The following ELMO3 variants were observed in gnomAD, a reference collection of about 807,000 sequenced individuals.
ELMO3 encodes the protein engulfment and cell motility protein 3.
A neutral mutation model predicts 89.0 loss-of-function variants in ELMO3; 81 were observed. The ratio of observed to expected loss-of-function variants is 0.91; its 90% CI spans 0.76 to 1.09. The LOEUF is 1.09. Among genes scored for constraint, ELMO3 ranks in the 50% least tolerant of loss-of-function variants. The probability of loss-of-function intolerance (pLI) is 0.00; values close to 1 mark genes in which losing one functional copy is unlikely to be tolerated. For synonymous variants in ELMO3, 406 were observed against 400.6 expected, an observed-to-expected ratio of 1.01 and a Z score of -0.16; for missense variants, 959 against 972.8, an observed-to-expected ratio of 0.99 and a Z score of 0.19.
rs182628338 is a variant in ELMO3, at chr16:67,201,077, G to C, written c.744+109G>C. 0.012 allele frequency: 14,885 copies of C among 1,220,290 alleles called. 835 individuals are homozygous for C. The African/African-American group carries it at 0.14, about 11-fold the overall frequency. The allele number at this position is 1,220,290 out of a possible 1,614,324, so 75.6% of individuals were successfully genotyped here. ...TTTTTTTTTTTTGAGATGGAGTCTT[G>C]CTCTGTCGCCCAGGCTGGAGTGCAG... On this transcript the variant is annotated intron_variant, in intron 8 of 19. Transcript: ENST00000393997.
chr16:67,202,376 C>T, intron 13 of ELMO3, 21 bp from the exon 14 acceptor site: 1 of 1,613,750 alleles, frequency 6.2e-7, no homozygotes, highest in Non-Finnish European at 8.5e-7. Context: ...TCCCTGAGCC[C>T]CTCCTGCCCC....
chr16:67,200,117 G>A (rs1183647679), intron 4 of ELMO3, 75 bp from the exon 5 acceptor site: 11 of 1,403,282 alleles, frequency 7.8e-6, no homozygotes, highest in Non-Finnish European at 1.0e-5. Flanking sequence ...GTTGACGCCC[G>A]GGGCCGCACA....
In ELMO3 at chr16:67,200,448, C is replaced by A; in HGVS notation, c.414-3C>A. 1 of 1,612,236 alleles carries A rather than the reference C, an allele frequency of 6.2e-7. No homozygotes were observed. Among genetic ancestry groups the A allele is most frequent in the Non-Finnish European group, 8.5e-7 (1 of 1,178,784 alleles). On this transcript the variant is annotated splice_polypyrimidine_tract_variant and splice_region_variant and intron_variant, in intron 5 of 19. Coordinates refer to ENST00000393997, the MANE Select transcript of ELMO3 (RefSeq NM_024712.5). ...TGCTCAGCCCCAGATGTCCCCCCTCCAGCCTAGGAGAGGTGCTGGCCCTCA... is the reference window on the plus strand; with the variant it reads ...TGCTCAGCCCCAGATGTCCCCCCTCAAGCCTAGGAGAGGTGCTGGCCCTCA...
In ELMO3 at chr16:67,200,439, T is replaced by A; in HGVS notation, c.414-12T>A. The A allele has an allele frequency of 6.2e-7, 1 of 1,611,370 alleles. No homozygotes were observed. Among genetic ancestry groups the A allele is most frequent in the Non-Finnish European group, 8.5e-7 (1 of 1,178,242 alleles). On this transcript the variant is annotated splice_polypyrimidine_tract_variant and intron_variant, in intron 5 of 19. Coordinates refer to ENST00000393997, the MANE Select transcript of ELMO3 (RefSeq NM_024712.5). ...GGGTGGTCCTGCTCAGCCCCAGATG[T>A]CCCCCCTCCAGCCTAGGAGAGGTGC...
In ELMO3 at chr16:67,201,502, G is replaced by A; in HGVS notation, c.796-18G>A. 2 of 1,614,026 alleles carry A rather than the reference G, an allele frequency of 1.2e-6. No individual in the cohort carries two copies. The highest frequency in any genetic ancestry group is 1.3e-5 in the African/African-American group (1 of 75,046). On this transcript the variant is annotated intron_variant, in intron 9 of 19. Transcript: ENST00000393997. ...CCCCGTGAGCCCTCGCTTACACCAG[G>A]GACTGGCTGTCCTGCAGAACATCAT...
At position 67,202,011 on chromosome 16, in the gene ELMO3, C is replaced by G; in HGVS notation, c.1085C>G (p.Pro362Arg). Residue 362 changes from proline (P) to arginine (R), a missense_variant, in exon 12 of 20, where the codon CCC becomes CGC. Physicochemically the swap from Pro to Arg is moderately radical, Grantham distance 103 (BLOSUM62 -2). Coordinates refer to ENST00000393997, the MANE Select transcript of ELMO3 (RefSeq NM_024712.5). ...SNPAQDLERV[P>R]PGLLALDNML... ...CCAGCACAGGACCTGGAGCGCGTGC[C>G]CCCCGGTCTGCTGGCCCTGGACAAC... The G allele has an allele frequency of 6.2e-7, 1 of 1,613,450 alleles. No individual in the cohort carries two copies. The highest frequency in any genetic ancestry group is 8.5e-7 in the Non-Finnish European group (1 of 1,180,040).
chr16:67,202,100 G>C lies in ELMO3; in HGVS notation c.1152+22G>C, dbSNP rs779991589. ...CCGGGTCGGTGACAGGGTAGGGTGG[G>C]GGGGTGGCAGCATCCCCCAGGCAGG... On this transcript the variant is annotated intron_variant, in intron 12 of 19. Transcript: ENST00000393997. The C allele has an allele frequency of 5.6e-6, 9 of 1,611,230 alleles. No individual in the cohort carries two copies. In the East Asian group the frequency reaches 1.8e-4, roughly 32 times the overall value.
intron 4 of ELMO3, 56 bp downstream of exon 4, chr16:67,200,057 AG>A: frequency 6.3e-7 from 1 of 1,592,868 alleles, no homozygotes; most frequent in South Asian, 1.1e-5. Flanking sequence ...CCAGGTCCAG[AG>A]GCCCCCCGCC....
Position 67,200,473 on chromosome 16 carries a change from A to T in ELMO3, c.436A>T (p.Ser146Cys), listed in dbSNP as rs762771202. ...GDDLGEVLAL[S>C]LRAFSELMEH... The stretch of plus-strand genomic sequence containing the variant: ...CAGCCTAGGAGAGGTGCTGGCCCTC[A>T]GCCTGAGGGCCTTCTCAGAGCTCAT... Residue 146 changes from serine to cysteine, a missense_variant, in exon 6 of 20, where the codon AGC becomes TGC. Coordinates refer to ENST00000393997, the MANE Select transcript of ELMO3 (RefSeq NM_024712.5). 2 of 1,613,294 alleles carry T rather than the reference A, an allele frequency of 1.2e-6. No individual in the cohort carries two copies. Among genetic ancestry groups the T allele is most frequent in the South Asian group, 2.2e-5 (2 of 91,068 alleles).
chr16:67,202,137 C>T lies in ELMO3; in HGVS notation c.1153-39C>T, dbSNP rs544409031. 1.9e-6 allele frequency: 3 copies of T among 1,605,626 alleles called. No individual in the cohort carries two copies. In the South Asian group the frequency reaches 3.3e-5, roughly 18 times the overall value. ...ATCCCCCAGGCAGGGTCCCCATGGG[C>T]TTAGCTGTGACTCCTTGCCCCATTC... On this transcript the variant is annotated intron_variant, in intron 12 of 19. Transcript: ENST00000393997.
chr16:67,200,494 C>A lies in ELMO3; in HGVS notation c.457C>A (p.Leu153Ile), dbSNP rs1468300086. ...CCTCAGCCTGAGGGCCTTCTCAGAG[C>A]TCATGGAGCACGGCGTGGTGTCCTG... ...LALSLRAFSE[L>I]MEHGVVSWET... Residue 153 changes from leucine (L) to isoleucine (I), a missense_variant, in exon 6 of 20, where the codon CTC (leucine) becomes ATC (isoleucine). Leu to Ile is a conservative substitution (Grantham distance 5, BLOSUM62 2). Transcript: ENST00000393997. The A allele has an allele frequency of 1.2e-6, 2 of 1,613,748 alleles. No homozygotes were observed. Among genetic ancestry groups the A allele is most frequent in the South Asian group, 2.2e-5 (2 of 91,086 alleles).
At chr16:67,200,613 G>A (rs757407565) in intron 6 of ELMO3, 44 bp from the exon 7 acceptor site, 16 of 1,609,926 alleles carry the variant, frequency 9.9e-6, no homozygotes, top group Admixed American at 3.3e-5. Flanking sequence ...TGGTAGACCC[G>A]GTCTTCCATG....
Position 67,200,383 on chromosome 16 carries a change from C to A in ELMO3, c.413+22C>A, listed in dbSNP as rs773614482. 8.7e-6 allele frequency: 14 copies of A among 1,612,496 alleles called. No individual in the cohort carries two copies. In the South Asian group the frequency reaches 1.5e-4, roughly 18 times the overall value. On this transcript the variant is annotated intron_variant, in intron 5 of 19. Transcript: ENST00000393997. ...ACGAGTGAGCACAGGGATGTGTGGG[C>A]TGGGGGAGATGGTGGGTCTTTCTGG... is the stretch of plus-strand genomic sequence containing the variant.
intron 4 of ELMO3, 37 bp downstream of exon 4, chr16:67,200,038 C>G: frequency 6.2e-7 from 1 of 1,610,268 alleles, no homozygotes; most frequent in South Asian, 1.1e-5. Context: ...CCATCCCTGC[C>G]CCTTTGCTCC....
In ELMO3 at chr16:67,200,710, C is replaced by T. The variant is rs1597280021; in HGVS notation, c.567C>T (p.Ala189=). ...NLMDASVPPL[A]LGLLESVTLS... ...TGGATGCCTCCGTGCCTCCCCTGGC[C>T]CTTGGGCTGCTGGAGAGTGTGACCT... Residue 189 remains alanine (A), a synonymous_variant, in exon 7 of 20, where the codon GCC becomes GCT. Transcript: ENST00000393997. The T allele has an allele frequency of 4.3e-6, 7 of 1,613,624 alleles. No homozygotes were observed. The highest frequency in any genetic ancestry group is 4.2e-6 in the Non-Finnish European group (5 of 1,180,006).
In ELMO3 at chr16:67,199,249, G is replaced by A. The variant is rs1362384368; in HGVS notation, c.-78G>A. 1.9e-6 allele frequency: 3 copies of A among 1,611,442 alleles called. No homozygotes were observed. The highest frequency in any genetic ancestry group is 2.7e-5 in the African/African-American group (2 of 74,892). The stretch of plus-strand genomic sequence containing the variant: ...AAAGGGAGGACCTCCTCGTCCCCAG[G>A]GGCCCCAGGCCAGGTGCACCCTTGG... On this transcript the variant is annotated 5_prime_UTR_variant, in exon 1 of 20. Coordinates refer to ENST00000393997, the MANE Select transcript of ELMO3 (RefSeq NM_024712.5).
Position 67,200,469 on chromosome 16 carries a change from C to T in ELMO3, c.432C>T (p.Ala144=), listed in dbSNP as rs755854857. ...EDGDDLGEVL[A]LSLRAFSELM... Reference sequence around the variant, plus strand: ...CCTCCAGCCTAGGAGAGGTGCTGGCCCTCAGCCTGAGGGCCTTCTCAGAGC... The same window carrying T: ...CCTCCAGCCTAGGAGAGGTGCTGGCTCTCAGCCTGAGGGCCTTCTCAGAGC... Residue 144 remains alanine (A), a synonymous_variant, in exon 6 of 20, where the codon GCC becomes GCT. Coordinates refer to ENST00000393997, the MANE Select transcript of ELMO3 (RefSeq NM_024712.5). 72 of 1,613,176 alleles carry T rather than the reference C, an allele frequency of 4.5e-5. No homozygotes were observed. Among genetic ancestry groups the T allele is most frequent in the Non-Finnish European group, 5.8e-5 (69 of 1,179,640 alleles).
At chr16:67,201,682 G>C in intron 10 of ELMO3, 40 bp downstream of exon 10, 1 of 1,608,806 alleles carries the variant, frequency 6.2e-7, no homozygotes, top group Non-Finnish European at 8.5e-7. Context: ...GGGTGGCTTA[G>C]AGCTTGGCCT....
chr16:67,199,476 G>GGGCCCCCCCCCCCCCC, intron 1 of ELMO3, 72 bp downstream of exon 1: 12 of 1,503,532 alleles, frequency 8.0e-6, no homozygotes, highest in African/African-American at 1.4e-5. Context: ...CCTCGGGGCA[G>GGGCCCCCCCCCCCCCC]CCCGCCCCAC....
Sources: allele counts gnomAD v4.1 joint callset, GRCh38; gene constraint gnomAD v4.1.1; transcripts MANE v1.5; gene names NCBI Gene and HGNC (gene_info 2026-07-23, HGNC 2026-07-21).